Variants in DIP2B observed in about 807,000 individuals in gnomAD.
DIP2B encodes the protein DIP2 acetate--CoA ligase B (putative), also known as disco-interacting protein 2 homolog B.
DIP2B carries 76 observed loss-of-function variants against 198.0 expected under a neutral mutation model. The observed-to-expected ratio is 0.38, with a 90% CI of 0.32 to 0.46. The LOEUF (loss-of-function observed/expected upper bound fraction) is 0.46, where lower values mean the gene tolerates loss of function less well. Among genes scored for constraint, DIP2B ranks in the 20% least tolerant of loss-of-function variants. The pLI is 0.99. For synonymous variants in DIP2B, 701 were observed against 739.1 expected, an observed-to-expected ratio of 0.95 and a Z score of 0.84; for missense variants, 1,559 against 1,978.4, an observed-to-expected ratio of 0.79 and a Z score of 4.02.
intron 1 of DIP2B, among the ~76,000 whole-genome samples, chr12:50,605,269 A>G (rs1446199352): frequency 6.6e-6 from 1 of 152,178 alleles, no homozygotes; most frequent in Non-Finnish European, 1.5e-5. Context: ...ATCTGATTTT[A>G]GAACGTTTTT....
intron 36 of DIP2B, among the ~76,000 whole-genome samples, chr12:50,739,815 A>G (rs1940208416): frequency 6.6e-6 from 1 of 152,222 alleles, no homozygotes. Context: ...GCTGTGAGTC[A>G]GAGAGATGTG....
intron 3 of DIP2B, among the ~76,000 whole-genome samples, chr12:50,653,328 C>CTTTTTTTT (rs71086465): frequency 5.2e-5 from 6 of 116,284 alleles, no homozygotes; most frequent in Admixed American, 1.0e-4. Flanking sequence ...GTCTTTCTTT[C>CTTTTTTTT]TTTTTTTTTT....
chr12:50,701,859 T>C (rs1441226880), intron 19 of DIP2B, among the ~76,000 whole-genome samples: 2 of 152,234 alleles, frequency 1.3e-5, no homozygotes, highest in Non-Finnish European at 2.9e-5. Flanking sequence ...ATGCTGTTTC[T>C]ATAGGATTAA....
chr12:50,712,065 G>T (rs1258333789), intron 22 of DIP2B, among the ~76,000 whole-genome samples: 3 of 152,166 alleles, frequency 2.0e-5, no homozygotes, highest in Non-Finnish European at 4.4e-5. Flanking sequence ...TTACTTGAGA[G>T]GCTGGGGTGG....
At chr12:50,691,003 T>G in intron 12 of DIP2B, 46 bp from the exon 13 acceptor site, 1 of 1,541,120 alleles carries the variant, frequency 6.5e-7, no homozygotes, top group South Asian at 1.1e-5. Flanking sequence ...TCATCTGAAA[T>G]AACCCATTTT....
At chr12:50,522,095 G>A (rs1958125799) in intron 1 of DIP2B, among the ~76,000 whole-genome samples, 1 of 152,016 alleles carries the variant, frequency 6.6e-6, no homozygotes. Flanking sequence ...CCGTGTCCGG[G>A]GTTCAAGTGA....
intron 1 of DIP2B, among the ~76,000 whole-genome samples, chr12:50,622,693 C>T (rs570086429): frequency 2.0e-5 from 3 of 152,162 alleles, no homozygotes; most frequent in Non-Finnish European, 2.9e-5. Flanking sequence ...ACCGCAGTAA[C>T]CTCTGCCTCC....
At chr12:50,704,956 A>G (rs1299150544) in intron 20 of DIP2B, among the ~76,000 whole-genome samples, 1 of 152,160 alleles carries the variant, frequency 6.6e-6, no homozygotes, top group Admixed American at 6.6e-5. Context: ...TCAAAAAACA[A>G]ACAAAAAAAA....
chr12:50,661,247 TA>T (rs1938641146), intron 4 of DIP2B, among the ~76,000 whole-genome samples: 2 of 152,194 alleles, frequency 1.3e-5, no homozygotes, highest in South Asian at 4.1e-4. Flanking sequence ...ATGTTACTGG[TA>T]ATGAAATCTT....
intron 6 of DIP2B, 21 bp from the exon 7 acceptor site, chr12:50,675,308 T>G: frequency 6.2e-7 from 1 of 1,606,938 alleles, no homozygotes; most frequent in Non-Finnish European, 8.5e-7. Flanking sequence ...AATTTTAACT[T>G]AACCATTTTT....
At chr12:50,714,625 C>T (rs372711284) in intron 23 of DIP2B, 29 bp downstream of exon 23, 72 of 1,612,066 alleles carry the variant, frequency 4.5e-5, no homozygotes, top group Non-Finnish European at 5.9e-5. Flanking sequence ...AGACCTGGCA[C>T]TAAAATTCCA....
chr12:50,675,495 C>T (rs1385806841), intron 7 of DIP2B, 47 bp downstream of exon 7: 2 of 1,556,430 alleles, frequency 1.3e-6, no homozygotes, highest in Non-Finnish European at 8.8e-7. Context: ...ATAAATATAT[C>T]TTAAGCAGTT....
At chr12:50,601,623 C>A (rs377432705) in intron 1 of DIP2B, among the ~76,000 whole-genome samples, 14 of 152,252 alleles carry the variant, frequency 9.2e-5, no homozygotes, top group African/African-American at 3.4e-4. Flanking sequence ...CAGGCGTGAG[C>A]CACCGCGCCC....
chr12:50,538,627 T>C (rs201595397), intron 1 of DIP2B, among the ~76,000 whole-genome samples: 1 of 152,202 alleles, frequency 6.6e-6, no homozygotes, highest in South Asian at 2.1e-4. Context: ...TCCTGAGTTT[T>C]TTTTTGTAAT....
At chr12:50,663,872 T>TA (rs397934701) in intron 4 of DIP2B, among the ~76,000 whole-genome samples, 33,763 of 104,510 alleles carry the variant, frequency 0.32, 5,865 homozygotes, top group Non-Finnish European at 0.42. Context: ...CCCATCTCTT[T>TA]AAAAAAAAAA....
At position 50,579,936 on chromosome 12, in the gene DIP2B, T is replaced by C. The variant is rs1447103300; in HGVS notation, c.101-46040T>C. Among the ~76,000 whole-genome samples, 6 of 133,920 alleles carry C rather than the reference T, an allele frequency of 4.5e-5. 2 individuals are homozygous for C. The highest frequency in any genetic ancestry group is 1.7e-4 in the Admixed American group (2 of 11,490). 87.9% of individuals were successfully genotyped at this position (133,920 alleles called of 152,430 possible). ...CAATTCCTGGTCAGATCTCCACTTC[T>C]GACTGGCAGTCTTGGCACAGGCACT... On this transcript the variant is annotated intron_variant, in intron 1 of 37. Coordinates refer to ENST00000301180, the MANE Select transcript of DIP2B (RefSeq NM_173602.3).
intron 4 of DIP2B, among the ~76,000 whole-genome samples, chr12:50,665,002 C>T (rs1379324503): frequency 6.6e-6 from 1 of 151,822 alleles, no homozygotes; most frequent in Non-Finnish European, 1.5e-5. Flanking sequence ...GTGCATGCTG[C>T]CACACCCGGC....
intron 3 of DIP2B, among the ~76,000 whole-genome samples, chr12:50,653,497 T>C (rs1938498894): frequency 6.6e-6 from 1 of 151,720 alleles, no homozygotes; most frequent in Non-Finnish European, 1.5e-5. Context: ...GACACACCCA[T>C]GCCCAGCTAA....
chr12:50,613,609 G>C (rs1476615305), intron 1 of DIP2B, among the ~76,000 whole-genome samples: 1 of 152,182 alleles, frequency 6.6e-6, no homozygotes, highest in Non-Finnish European at 1.5e-5. Context: ...AAGAGTGCCT[G>C]TTTGAGGTGA....
Sources: allele counts gnomAD v4.1 joint callset (sites outside exome capture counted in the v4.1 genomes callset), GRCh38; gene constraint gnomAD v4.1.1; transcripts MANE v1.5; gene names NCBI Gene and HGNC (gene_info 2026-07-23, HGNC 2026-07-21).